KHDRBS2: variants seen among roughly 807,000 people sequenced by gnomAD.
The protein encoded by KHDRBS2 is KH domain-containing, RNA-binding, signal transduction-associated protein 2.
Under a neutral mutation model 44.3 loss-of-function variants are expected in KHDRBS2, and 26 were observed. That is an observed-to-expected ratio of 0.59 (90% CI 0.43 to 0.81). The LOEUF is 0.81. Among genes scored for constraint, KHDRBS2 ranks in the 40% least tolerant of loss-of-function variants. KHDRBS2 has a pLI of 0.00. For synonymous variants in KHDRBS2, 194 were observed against 151.1 expected (o/e 1.28, Z -2.08); for missense variants, 476 against 433.1 (o/e 1.10, Z -0.88).
At chr6:62,226,618 G>A (rs191079432) in intron 1 of KHDRBS2, among the ~76,000 whole-genome samples, 5 of 152,200 alleles carry the variant, frequency 3.3e-5, no homozygotes, top group South Asian at 2.1e-4. Flanking sequence ...CCATGACTAC[G>A]TCTCAATGAT....
chr6:61,781,478 A>T (rs1443270035), intron 6 of KHDRBS2, among the ~76,000 whole-genome samples: 1 of 152,204 alleles, frequency 6.6e-6, no homozygotes, highest in Non-Finnish European at 1.5e-5. Flanking sequence ...ATTCAAGAGA[A>T]GCAAAAAAGA....
chr6:61,853,976 A>T (rs1562306750), intron 6 of KHDRBS2, among the ~76,000 whole-genome samples: 3 of 152,204 alleles, frequency 2.0e-5, no homozygotes, highest in South Asian at 2.1e-4. Flanking sequence ...CCTTGGTCAC[A>T]TGTCTCTATT....
At chr6:61,814,340 G>A (rs560340241) in intron 6 of KHDRBS2, among the ~76,000 whole-genome samples, 59 of 152,278 alleles carry the variant, frequency 3.9e-4, no homozygotes, top group African/African-American at 1.3e-3. Flanking sequence ...GGCCGGGAGC[G>A]GTGGCTCGTG....
chr6:62,124,608 C>T (rs1289456237), intron 2 of KHDRBS2, among the ~76,000 whole-genome samples: 1 of 151,814 alleles, frequency 6.6e-6, no homozygotes, highest in African/African-American at 2.4e-5. Context: ...CACACACACA[C>T]ACACACACAC....
the KHDRBS2 span, among the ~76,000 whole-genome samples, chr6:61,570,155 C>T: frequency 1.3e-5 from 2 of 151,854 alleles, no homozygotes; most frequent in African/African-American, 4.8e-5. Flanking sequence ...AAGGTGAAAT[C>T]CAACTTAATG....
chr6:62,184,456 G>T (rs1225264966), intron 1 of KHDRBS2, among the ~76,000 whole-genome samples: 1 of 151,432 alleles, frequency 6.6e-6, no homozygotes, highest in Non-Finnish European at 1.5e-5. Context: ...ATAAAGAAAC[G>T]GGAGTTCAAA....
At chr6:62,186,115 G>C (rs1823361246) in intron 1 of KHDRBS2, among the ~76,000 whole-genome samples, 1 of 151,992 alleles carries the variant, frequency 6.6e-6, no homozygotes, top group South Asian at 2.1e-4. Flanking sequence ...TGTGACACTT[G>C]CCAACAAGTG....
At chr6:62,018,053 C>G (rs1207057742) in intron 3 of KHDRBS2, among the ~76,000 whole-genome samples, 1 of 151,222 alleles carries the variant, frequency 6.6e-6, no homozygotes, top group Non-Finnish European at 1.5e-5. Context: ...TAAATAAGTA[C>G]TACTAAAATT....
At chr6:61,774,126 G>A (rs1781512945) in intron 6 of KHDRBS2, among the ~76,000 whole-genome samples, 1 of 152,124 alleles carries the variant, frequency 6.6e-6, no homozygotes, top group Non-Finnish European at 1.5e-5. Flanking sequence ...TGGCGATGCA[G>A]GCTCTTTTTT....
At chr6:61,726,465 GA>G (rs1254026384) in intron 7 of KHDRBS2, among the ~76,000 whole-genome samples, 9 of 151,992 alleles carry the variant, frequency 5.9e-5, no homozygotes, top group African/African-American at 1.7e-4. Flanking sequence ...TTCAAATAGG[GA>G]GAGAAGAAGT....
chr6:61,652,332 A>T, the KHDRBS2 span: 1 of 152,128 alleles, frequency 6.6e-6, no homozygotes, highest in Non-Finnish European at 1.5e-5. Context: ...GGAGAAAAAA[A>T]GAAGATGAAA....
the KHDRBS2 span, among the ~76,000 whole-genome samples, chr6:61,543,574 G>C: frequency 6.6e-6 from 1 of 151,890 alleles, no homozygotes; most frequent in Non-Finnish European, 1.5e-5. Context: ...GCTACCATAT[G>C]ATCTTATCCA....
At chr6:61,835,449 A>G (rs1480118316) in intron 6 of KHDRBS2, among the ~76,000 whole-genome samples, 1 of 151,998 alleles carries the variant, frequency 6.6e-6, no homozygotes, top group Non-Finnish European at 1.5e-5. Context: ...CTTCCATAGT[A>G]CAGAGATATT....
the KHDRBS2 span, among the ~76,000 whole-genome samples, chr6:61,600,276 A>G: frequency 6.6e-6 from 1 of 152,086 alleles, no homozygotes; most frequent in Non-Finnish European, 1.5e-5. Context: ...AAAAATCACA[A>G]AAGAAGTGAA....
intron 3 of KHDRBS2, among the ~76,000 whole-genome samples, chr6:62,002,715 T>G (rs530138636): frequency 1.1e-4 from 16 of 151,462 alleles, no homozygotes; most frequent in Non-Finnish European, 1.6e-4. Flanking sequence ...CATGAAAGTC[T>G]CATCTATTGC....
chr6:61,892,811 C>G (rs1057070579), intron 6 of KHDRBS2, among the ~76,000 whole-genome samples: 16 of 152,100 alleles, frequency 1.1e-4, no homozygotes, highest in South Asian at 2.1e-4. Context: ...AGAAGAAAAC[C>G]TAGGCATTAC....
At chr6:61,597,773 T>TAC in the KHDRBS2 span, among the ~76,000 whole-genome samples, 558 of 42,244 alleles carry the variant, frequency 0.013, 41 homozygotes, top group African/African-American at 0.038. Context: ...TATATATATA[T>TAC]ACACCAAGAT....
chr6:62,122,838 T>C (rs1346183868), intron 2 of KHDRBS2, among the ~76,000 whole-genome samples: 1 of 146,420 alleles, frequency 6.8e-6, no homozygotes, highest in African/African-American at 2.6e-5. Flanking sequence ...GAATAAACTG[T>C]AATTTTCTTT....
intron 6 of KHDRBS2, among the ~76,000 whole-genome samples, chr6:61,793,904 G>A (rs924320744): frequency 6.6e-6 from 1 of 152,012 alleles, no homozygotes; most frequent in African/African-American, 2.4e-5. Flanking sequence ...GGGTGTTAAT[G>A]CCATATATTA....
Sources: allele counts gnomAD v4.1 joint callset (sites outside exome capture counted in the v4.1 genomes callset), GRCh38; gene constraint gnomAD v4.1.1; transcripts MANE v1.5; gene names NCBI Gene and HGNC (gene_info 2026-07-23, HGNC 2026-07-21).